BCL2L15: variants seen among roughly 807,000 people sequenced by gnomAD.
BCL2L15 encodes BCL2 like 15.
In BCL2L15, 15 loss-of-function variants were observed where a neutral mutation model predicts 18.3. The observed-to-expected ratio is 0.82, with a 90% CI of 0.55 to 1.26. The LOEUF (loss-of-function observed/expected upper bound fraction) is 1.26, where lower values mean the gene tolerates loss of function less well. Ranked by LOEUF, BCL2L15 falls within the 50% of genes most tolerant of loss-of-function variation. BCL2L15 has a pLI of 0.00. For missense variants in BCL2L15, 180 were observed against 201.7 expected, an observed-to-expected ratio of 0.89 and a Z score of 0.65; for synonymous variants, 58 against 68.5, an observed-to-expected ratio of 0.85 and a Z score of 0.76.
In BCL2L15 at chr1:113,880,797, A is replaced by C. The variant is rs1057039983; in HGVS notation, c.*326T>G. 7 of 325,482 alleles carry C rather than the reference A, an allele frequency of 2.2e-5. No homozygotes were observed. The South Asian group carries it at 3.6e-4, about 17-fold the overall frequency. The allele number at this position is 325,482 out of a possible 1,614,324, so 20.2% of individuals were successfully genotyped here. A position where few individuals can be genotyped will look rare whatever the true frequency, so the allele number is the denominator to read the frequency against. ...GCAAAGGCCTGCCCTGTTGCTTATA[A>C]TTCCACTACTAACAAGTCATTACTT... On this transcript the variant is annotated 3_prime_UTR_variant, in exon 4 of 4. Coordinates refer to ENST00000393316, the MANE Select transcript of BCL2L15 (RefSeq NM_001010922.3).
rs1260919337 is a variant in BCL2L15 at position 113,877,350 on chromosome 1, C to A, written c.*3773G>T. On this transcript the variant is annotated 3_prime_UTR_variant, in exon 4 of 4. Coordinates refer to ENST00000393316, the MANE Select transcript of BCL2L15 (RefSeq NM_001010922.3). ...TTTTTTTTTTTTTTAAAAAAAACAA[C>A]CTTATTAAGGTAGTGCTGATGTACA... Among the ~76,000 whole-genome samples the A allele has an allele frequency of 4.7e-4, 70 of 148,024 alleles. No individual in the cohort carries two copies. The highest frequency in any genetic ancestry group is 2.1e-4 in the Non-Finnish European group (14 of 67,070).
chr1:113,880,624 T>TAAA lies in BCL2L15; in HGVS notation c.*496_*498dup. The TAAA allele has an allele frequency of 1.4e-5, 2 of 142,090 alleles. No homozygotes were observed. Among genetic ancestry groups the TAAA allele is most frequent in the Admixed American group, 7.0e-5 (1 of 14,200 alleles). The allele number at this position is 142,090 out of a possible 1,614,324, so 8.8% of individuals were successfully genotyped here. A position where few individuals can be genotyped will look rare whatever the true frequency, so the allele number is the denominator to read the frequency against. On this transcript the variant is annotated 3_prime_UTR_variant, in exon 4 of 4. Coordinates refer to ENST00000393316, the MANE Select transcript of BCL2L15 (RefSeq NM_001010922.3). Reference sequence around the variant, plus strand: ...CTGGGTGACAGAGTGAGACTACGTCTAAAAAAAAAAAAACAAGATTTTTCA... The same window carrying TAAA: ...CTGGGTGACAGAGTGAGACTACGTCTAAAAAAAAAAAAAAAACAAGATTTTTCA...
At position 113,887,390 on chromosome 1, in the gene BCL2L15, G is replaced by A. The variant is rs1667072360; in HGVS notation, c.-15C>T. 1 of 1,613,754 alleles carries A rather than the reference G, an allele frequency of 6.2e-7. No individual in the cohort carries two copies. Among genetic ancestry groups the A allele is most frequent in the South Asian group, 1.1e-5 (1 of 91,076 alleles). On this transcript the variant is annotated 5_prime_UTR_variant, in exon 1 of 4. Coordinates refer to ENST00000393316, the MANE Select transcript of BCL2L15 (RefSeq NM_001010922.3). ...GAGCTCTTCATTTTAGATGTTTGCTGTCAAGTTTTGCTTTTCCACGAAACA... is the reference window on the plus strand; with the variant it reads ...GAGCTCTTCATTTTAGATGTTTGCTATCAAGTTTTGCTTTTCCACGAAACA...
At chr1:113,883,344 T>C (rs1666937083) in intron 2 of BCL2L15, among the ~76,000 whole-genome samples, 1 of 151,434 alleles carries the variant, frequency 6.6e-6, no homozygotes, top group Non-Finnish European at 1.5e-5. Context: ...TAGCTGGGTG[T>C]GGTGGTATGC....
rs773788198 is a variant in BCL2L15, at chr1:113,877,968, T to A, written c.*3155A>T. ...AATAAATAATAAGCATCTGTGGGTATGGAATTGAGAAGGGAAATAAATCAT... is the reference window on the plus strand; with the variant it reads ...AATAAATAATAAGCATCTGTGGGTAAGGAATTGAGAAGGGAAATAAATCAT... On this transcript the variant is annotated 3_prime_UTR_variant, in exon 4 of 4. Transcript: ENST00000393316. Among the ~76,000 whole-genome samples the A allele has an allele frequency of 6.6e-6, 1 of 152,160 alleles. No homozygotes were observed. The highest frequency in any genetic ancestry group is 1.5e-5 in the Non-Finnish European group (1 of 68,032).
chr1:113,887,138 T>A (rs1046845874), intron 1 of BCL2L15, 111 bp downstream of exon 1: 1 of 965,832 alleles, frequency 1.0e-6, no homozygotes, highest in African/African-American at 1.6e-5. Flanking sequence ...CTTCAGGTGA[T>A]CCACCCACCT....
chr1:113,884,919 T>C (rs1233715595), intron 2 of BCL2L15, among the ~76,000 whole-genome samples: 2 of 152,062 alleles, frequency 1.3e-5, no homozygotes, highest in African/African-American at 2.4e-5. Flanking sequence ...ATTACAGTTG[T>C]GTGCCACCAT....
chr1:113,887,462 A>C lies in BCL2L15; in HGVS notation c.-87T>G. ...AAGTTAAAAACACTGGTAAATCAACAAATGTTTCTACCTCTTGTAGTTTCC... is the reference window on the plus strand; with the variant it reads ...AAGTTAAAAACACTGGTAAATCAACCAATGTTTCTACCTCTTGTAGTTTCC... On this transcript the variant is annotated 5_prime_UTR_variant, in exon 1 of 4. Coordinates refer to ENST00000393316, the MANE Select transcript of BCL2L15 (RefSeq NM_001010922.3). 1 of 1,576,086 alleles carries C rather than the reference A, an allele frequency of 6.3e-7. No individual in the cohort carries two copies. The highest frequency in any genetic ancestry group is 1.1e-5 in the South Asian group (1 of 87,794).
rs1228807415 is a variant in BCL2L15, at chr1:113,878,012, T to C, written c.*3111A>G. On this transcript the variant is annotated 3_prime_UTR_variant, in exon 4 of 4. Transcript: ENST00000393316. ...AAATCATATTTAGGAATCACTCACA[T>C]TGATGTGAAAGTAAAGCCATTAAGA... 2.6e-5 allele frequency among the ~76,000 whole-genome samples: 4 copies of C among 152,322 alleles called. No homozygotes were observed. The highest frequency in any genetic ancestry group is 1.3e-4 in the Admixed American group (2 of 15,306).
intron 2 of BCL2L15, among the ~76,000 whole-genome samples, chr1:113,884,143 AGAG>A: frequency 6.6e-6 from 1 of 152,362 alleles, no homozygotes; most frequent in South Asian, 2.1e-4. Context: ...GTAACTTTAT[AGAG>A]GAGAAGCTTT....
rs1571509055 is a variant in BCL2L15, at chr1:113,880,620, C to G, written c.*503G>C. On this transcript the variant is annotated 3_prime_UTR_variant, in exon 4 of 4. Transcript: ENST00000393316. ...CAGCCTGGGTGACAGAGTGAGACTA[C>G]GTCTAAAAAAAAAAAAACAAGATTT... is the stretch of plus-strand genomic sequence containing the variant. 6.5e-6 allele frequency: 1 copy of G among 154,208 alleles called. No homozygotes were observed. The highest frequency in any genetic ancestry group is 1.4e-5 in the Non-Finnish European group (1 of 70,440). The allele number at this position is 154,208 out of a possible 1,614,324, so 9.6% of individuals were successfully genotyped here. A position where few individuals can be genotyped will look rare whatever the true frequency, so the allele number is the denominator to read the frequency against.
At chr1:113,883,618 CAA>C (rs74443242) in intron 2 of BCL2L15, among the ~76,000 whole-genome samples, 24 of 112,810 alleles carry the variant, frequency 2.1e-4, no homozygotes, top group Non-Finnish European at 2.5e-4. Context: ...TACTAAAATA[CAA>C]AAAAAAAAAA....
intron 2 of BCL2L15, among the ~76,000 whole-genome samples, chr1:113,882,623 C>T (rs1039684874): frequency 6.6e-6 from 1 of 151,994 alleles, no homozygotes; most frequent in Admixed American, 6.6e-5. Flanking sequence ...CCAGCCTGGG[C>T]GACAGAGCGA....
rs1217384 is a variant in BCL2L15 at position 113,877,138 on chromosome 1, G to C, written c.*3985C>G. Among the ~76,000 whole-genome samples, 118,033 of 151,938 alleles carry C rather than the reference G, an allele frequency of 0.78. 46,824 individuals are homozygous for C. Among genetic ancestry groups the C allele is most frequent in the African/African-American group, 0.94 (38,946 of 41,466 alleles). Reference sequence around the variant, plus strand: ...TCTACAGGTAGAGCCTCAGAAAAAGGAATATGAAACATAGGGAACAGTAGG... The same window carrying C: ...TCTACAGGTAGAGCCTCAGAAAAAGCAATATGAAACATAGGGAACAGTAGG... On this transcript the variant is annotated 3_prime_UTR_variant, in exon 4 of 4. Coordinates refer to ENST00000393316, the MANE Select transcript of BCL2L15 (RefSeq NM_001010922.3).
intron 2 of BCL2L15, among the ~76,000 whole-genome samples, chr1:113,884,345 T>C (rs370813888): frequency 5.3e-5 from 8 of 152,320 alleles, no homozygotes; most frequent in South Asian, 4.1e-4. Context: ...TTCAACAAGA[T>C]AGACCATAGT....
At chr1:113,886,920 G>C (rs1330221993) in intron 1 of BCL2L15, among the ~76,000 whole-genome samples, 2 of 125,780 alleles carry the variant, frequency 1.6e-5, no homozygotes, top group Non-Finnish European at 3.3e-5. Context: ...TTTTTTTTTT[G>C]AGACCGAGTC....
intron 2 of BCL2L15, among the ~76,000 whole-genome samples, chr1:113,882,848 G>A (rs1306200366): frequency 6.6e-6 from 1 of 151,874 alleles, no homozygotes; most frequent in Non-Finnish European, 1.5e-5. Flanking sequence ...GCTGAGGTTG[G>A]AGGATCACTT....
intron 2 of BCL2L15, among the ~76,000 whole-genome samples, chr1:113,885,671 C>T (rs771208075): frequency 3.3e-5 from 5 of 152,158 alleles, no homozygotes; most frequent in Non-Finnish European, 5.9e-5. Context: ...ATCCGCCCGG[C>T]TAATTTTTGT....
rs1012759925 is a variant in BCL2L15, at chr1:113,880,882, T to C, written c.*241A>G. ...TTAAAACTCATGTGAAAACAGAAAG[T>C]AGAAAATCTCTGTGGTTTGCATTAA... On this transcript the variant is annotated 3_prime_UTR_variant, in exon 4 of 4. Transcript: ENST00000393316. The C allele has an allele frequency of 3.5e-4, 198 of 562,414 alleles. No individual in the cohort carries two copies. Among genetic ancestry groups the C allele is most frequent in the Admixed American group, 1.3e-4 (4 of 31,808 alleles). 34.8% of individuals were successfully genotyped at this position (562,414 alleles called of 1,614,324 possible).
Sources: allele counts gnomAD v4.1 joint callset (sites outside exome capture counted in the v4.1 genomes callset), GRCh38; gene constraint gnomAD v4.1.1; transcripts MANE v1.5; gene names NCBI Gene and HGNC (gene_info 2026-07-23, HGNC 2026-07-21).